Variants in SLCO2A1 observed in about 807,000 individuals in gnomAD.
SLCO2A1 encodes the protein solute carrier organic anion transporter family member 2A1.
Under a neutral mutation model 71.7 loss-of-function variants are expected in SLCO2A1, and 60 were observed. The observed-to-expected ratio is 0.84, with a 90% CI of 0.68 to 1.04. SLCO2A1 has a LOEUF of 1.04. Among genes scored for constraint, SLCO2A1 ranks in the 50% least tolerant of loss-of-function variants. The probability of loss-of-function intolerance (pLI) is 0.00; values close to 1 mark genes in which losing one functional copy is unlikely to be tolerated. For missense variants in SLCO2A1, 745 were observed against 813.4 expected, an observed-to-expected ratio of 0.92 and a Z score of 1.02; for synonymous variants, 308 against 326.7, an observed-to-expected ratio of 0.94 and a Z score of 0.62.
chr3:134,029,591 C>T (rs1430092885), intron 1 of SLCO2A1, 116 bp downstream of exon 1: 2 of 739,086 alleles, frequency 2.7e-6, no homozygotes, highest in East Asian at 3.1e-5. Flanking sequence ...GAGCGCGGCA[C>T]AGGAGGGAGC....
At chr3:133,950,726 C>G (rs578159595) in intron 6 of SLCO2A1, among the ~76,000 whole-genome samples, 1 of 152,192 alleles carries the variant, frequency 6.6e-6, no homozygotes, top group Non-Finnish European at 1.5e-5. Flanking sequence ...CCCCAGCAGG[C>G]GTGACTGGAA....
chr3:133,963,191 A>G (rs1353712075), intron 3 of SLCO2A1, among the ~76,000 whole-genome samples: 1 of 152,148 alleles, frequency 6.6e-6, no homozygotes, highest in African/African-American at 2.4e-5. Flanking sequence ...TAAATTCTGG[A>G]CCCTCAGCAG....
chr3:134,027,427 T>C (rs994530518), intron 1 of SLCO2A1, among the ~76,000 whole-genome samples: 3 of 152,228 alleles, frequency 2.0e-5, no homozygotes, highest in Non-Finnish European at 2.9e-5. Flanking sequence ...TACTGGTGCA[T>C]GCAGCCCCCA....
intron 3 of SLCO2A1, among the ~76,000 whole-genome samples, chr3:133,964,926 G>A (rs748247695): frequency 9.9e-5 from 15 of 152,122 alleles, no homozygotes; most frequent in South Asian, 2.1e-4. Flanking sequence ...CACCTGGCTC[G>A]GCTCATCATC....
At chr3:133,996,598 C>T (rs1934971269) in intron 1 of SLCO2A1, among the ~76,000 whole-genome samples, 1 of 152,182 alleles carries the variant, frequency 6.6e-6, no homozygotes, top group South Asian at 2.1e-4. Context: ...CTGACAGACA[C>T]ACCTTCTGGC....
chr3:133,954,940 A>G, intron 4 of SLCO2A1, 26 bp downstream of exon 4: 1 of 1,595,524 alleles, frequency 6.3e-7, no homozygotes, highest in Non-Finnish European at 8.6e-7. Context: ...CCCCTCCCCA[A>G]AGCCCTCTTC....
intron 1 of SLCO2A1, among the ~76,000 whole-genome samples, chr3:133,983,944 C>A (rs1314046126): frequency 6.6e-6 from 1 of 152,168 alleles, no homozygotes; most frequent in Non-Finnish European, 1.5e-5. Context: ...GGGGCTGTTT[C>A]CAGCCTGAGG....
chr3:133,960,060 C>A (rs1459341286), intron 3 of SLCO2A1, among the ~76,000 whole-genome samples: 9 of 152,150 alleles, frequency 5.9e-5, no homozygotes, highest in Non-Finnish European at 1.3e-4. Context: ...GCGGAGCTTG[C>A]AGTGAGCCAA....
chr3:133,938,484 G>T lies in SLCO2A1; in HGVS notation c.1635C>A (p.Asn545Lys), dbSNP rs1399390662. 6.2e-7 allele frequency: 1 copy of T among 1,613,934 alleles called. No homozygotes were observed. ...PLYMMVLRVV[N>K]QEEKSFAIGV... ...CGATGGCAAATGACTTTTCCTCCTG[G>T]TTCACCACACTGAAAAGACAGACAG... The change falls in exon 12 of 14, where the codon AAC becomes AAA. Residue 545 changes from asparagine to lysine, a missense_variant. By Grantham distance (94) the Asn-to-Lys change is moderately conservative. Coordinates refer to ENST00000310926, the MANE Select transcript of SLCO2A1 (RefSeq NM_005630.3).
intron 1 of SLCO2A1, among the ~76,000 whole-genome samples, chr3:133,997,380 A>G (rs1934991068): frequency 6.6e-6 from 1 of 152,252 alleles, no homozygotes; most frequent in Non-Finnish European, 1.5e-5. Context: ...CCGTGACATT[A>G]TTTGGAAATA....
At chr3:134,027,289 G>A (rs184928898) in intron 1 of SLCO2A1, among the ~76,000 whole-genome samples, 12 of 152,292 alleles carry the variant, frequency 7.9e-5, no homozygotes, top group South Asian at 6.2e-4. Flanking sequence ...CAGACAGCCC[G>A]GAGCCGCACC....
chr3:134,029,843 G>A lies in SLCO2A1; in HGVS notation c.-41C>T, dbSNP rs996189472. On this transcript the variant is annotated 5_prime_UTR_variant, in exon 1 of 14. Transcript: ENST00000310926. ...GCCGGGCGCGGAGTGGCGCGGGGTC[G>A]GGGCGCCTCGGGCTGGAGCGGCCGG... is the stretch of plus-strand genomic sequence containing the variant. 4.0e-6 allele frequency: 5 copies of A among 1,241,846 alleles called. No homozygotes were observed. The African/African-American group carries it at 4.8e-5, about 12-fold the overall frequency. 76.9% of individuals were successfully genotyped at this position (1,241,846 alleles called of 1,614,324 possible). A position where few individuals can be genotyped will look rare whatever the true frequency, so the allele number is the denominator to read the frequency against.
At chr3:133,956,571 T>C (rs1933903348) in intron 3 of SLCO2A1, among the ~76,000 whole-genome samples, 1 of 152,222 alleles carries the variant, frequency 6.6e-6, no homozygotes, top group South Asian at 2.1e-4. Flanking sequence ...GGAAGCATCC[T>C]GGCAAGCAGC....
At chr3:134,023,544 T>A (rs1308402177) in intron 1 of SLCO2A1, among the ~76,000 whole-genome samples, 1 of 152,284 alleles carries the variant, frequency 6.6e-6, no homozygotes, top group East Asian at 1.9e-4. Flanking sequence ...TGCCCCCCGA[T>A]GTAGAGCTTT....
intron 1 of SLCO2A1, among the ~76,000 whole-genome samples, chr3:134,019,569 T>C (rs1331677005): frequency 1.3e-5 from 2 of 152,186 alleles, no homozygotes; most frequent in Non-Finnish European, 2.9e-5. Flanking sequence ...ACAAAGCCTT[T>C]TTCCTATGCC....
chr3:133,982,284 T>C (rs1014049202), intron 1 of SLCO2A1, among the ~76,000 whole-genome samples: 2 of 152,212 alleles, frequency 1.3e-5, no homozygotes, highest in Admixed American at 6.5e-5. Flanking sequence ...AGCCACTCCC[T>C]AAAGACTAAT....
intron 11 of SLCO2A1, among the ~76,000 whole-genome samples, 198 bp from the exon 12 acceptor site, chr3:133,938,691 G>A (rs1011306825): frequency 7.9e-5 from 12 of 152,186 alleles, no homozygotes; most frequent in African/African-American, 2.6e-4. Context: ...TGGATCATCA[G>A]CATCCCCTGG....
chr3:134,005,808 G>C (rs1935203756), intron 1 of SLCO2A1, among the ~76,000 whole-genome samples: 1 of 152,026 alleles, frequency 6.6e-6, no homozygotes, highest in Non-Finnish European at 1.5e-5. Flanking sequence ...GATAAATCTA[G>C]ATTTGTATCA....
At chr3:134,025,004 G>A (rs955452638) in intron 1 of SLCO2A1, among the ~76,000 whole-genome samples, 4 of 151,902 alleles carry the variant, frequency 2.6e-5, no homozygotes, top group Non-Finnish European at 2.9e-5. Context: ...GTATGTGGAC[G>A]GGAGCAGCTT....
Sources: allele counts gnomAD v4.1 joint callset (sites outside exome capture counted in the v4.1 genomes callset), GRCh38; gene constraint gnomAD v4.1.1; transcripts MANE v1.5; gene names NCBI Gene and HGNC (gene_info 2026-07-23, HGNC 2026-07-21).